Variants in CACNA2D1 observed in about 807,000 individuals in gnomAD.
CACNA2D1 encodes the protein voltage-dependent calcium channel subunit alpha-2/delta-1.
CACNA2D1 carries 53 observed loss-of-function variants against 171.5 expected under a neutral mutation model. That is an observed-to-expected ratio of 0.31 (90% CI 0.25 to 0.39). The LOEUF (loss-of-function observed/expected upper bound fraction) is 0.39, where lower values mean the gene tolerates loss of function less well. Among genes scored for constraint, CACNA2D1 ranks in the 10% least tolerant of loss-of-function variants. The probability of loss-of-function intolerance (pLI) is 1.00; values close to 1 mark genes in which losing one functional copy is unlikely to be tolerated. For missense variants in CACNA2D1, 903 were observed against 1,299.8 expected, an observed-to-expected ratio of 0.69 and a Z score of 4.69; for synonymous variants, 442 against 443.1, an observed-to-expected ratio of 1.00 and a Z score of 0.03.
chr7:82,230,417 G>A (rs1283036952), intron 3 of CACNA2D1, among the ~76,000 whole-genome samples: 1 of 152,186 alleles, frequency 6.6e-6, no homozygotes, highest in Admixed American at 6.5e-5. Context: ...CTAGTTTGGA[G>A]CTATGAAAAA....
chr7:82,178,819 T>C (rs1268881808), intron 3 of CACNA2D1, among the ~76,000 whole-genome samples: 1 of 152,078 alleles, frequency 6.6e-6, no homozygotes, highest in Non-Finnish European at 1.5e-5. Flanking sequence ...TCCCTCTAAA[T>C]CACTAAATGT....
At chr7:82,077,202 A>C (rs1809076378) in intron 7 of CACNA2D1, among the ~76,000 whole-genome samples, 1 of 152,172 alleles carries the variant, frequency 6.6e-6, no homozygotes, top group South Asian at 2.1e-4. Context: ...ACCATAGCAG[A>C]GATGCTTTTT....
chr7:82,155,890 G>A (rs140091093), intron 4 of CACNA2D1, among the ~76,000 whole-genome samples: 30 of 152,286 alleles, frequency 2.0e-4, no homozygotes, highest in Middle Eastern at 3.4e-3. Context: ...CAGTCAAGTA[G>A]TCAGTAAAAT....
Position 81,964,377 on chromosome 7 carries a change from C to A in CACNA2D1, c.2575-18G>T. 1 of 1,608,028 alleles carries A rather than the reference C, an allele frequency of 6.2e-7. No homozygotes were observed. Among genetic ancestry groups the A allele is most frequent in the South Asian group, 1.1e-5 (1 of 90,862 alleles). On this transcript the variant is annotated intron_variant, in intron 32 of 38. Coordinates refer to ENST00000356860, the MANE Select transcript of CACNA2D1 (RefSeq NM_000722.4). Reference sequence around the variant, plus strand: ...CTTCCAATCTGGTGAAGAAAAAAATCATAAAGCAACGTGCACTTAAAATGT... The same window carrying A: ...CTTCCAATCTGGTGAAGAAAAAAATAATAAAGCAACGTGCACTTAAAATGT...
chr7:82,434,406 TA>T (rs1238338900), intron 1 of CACNA2D1, among the ~76,000 whole-genome samples: 2 of 152,118 alleles, frequency 1.3e-5, no homozygotes, highest in Non-Finnish European at 2.9e-5. Flanking sequence ...ACTTGTGTCA[TA>T]GGGGTTTGTT....
intron 3 of CACNA2D1, among the ~76,000 whole-genome samples, chr7:82,286,946 A>G (rs1810866131): frequency 6.6e-6 from 1 of 152,194 alleles, no homozygotes; most frequent in Non-Finnish European, 1.5e-5. Context: ...CAGGGCATGA[A>G]AAAGGCAGGC....
chr7:82,351,233 T>C (rs902561047), intron 1 of CACNA2D1, among the ~76,000 whole-genome samples: 3 of 151,766 alleles, frequency 2.0e-5, no homozygotes, highest in African/African-American at 7.2e-5. Flanking sequence ...AGGGAAGAAT[T>C]CCAGTAGTAT....
chr7:82,249,994 A>G (rs1805434484), intron 3 of CACNA2D1, among the ~76,000 whole-genome samples: 1 of 152,236 alleles, frequency 6.6e-6, no homozygotes, highest in Non-Finnish European at 1.5e-5. Context: ...ACAGTTTTGG[A>G]GACTGTCAAG....
At position 82,005,506 on chromosome 7, in the gene CACNA2D1, GAAAA is replaced by G. The variant is rs576139922; in HGVS notation, c.1516-13_1516-10del. On this transcript the variant is annotated splice_polypyrimidine_tract_variant and intron_variant, in intron 17 of 38. Transcript: ENST00000356860. ...TACCCATTGGGGCACAGCTGGAAAAGAAAAAAAAAAAAAAGCTTGGATATGCCTG... is the reference window on the plus strand; with the variant it reads ...TACCCATTGGGGCACAGCTGGAAAAGAAAAAAAAAAGCTTGGATATGCCTG... The G allele has an allele frequency of 1.7e-5, 21 of 1,202,536 alleles. No individual in the cohort carries two copies. Among genetic ancestry groups the G allele is most frequent in the South Asian group, 2.8e-5 (2 of 72,120 alleles). The allele number at this position is 1,202,536 out of a possible 1,614,324, so 74.5% of individuals were successfully genotyped here.
intron 3 of CACNA2D1, among the ~76,000 whole-genome samples, chr7:82,316,445 C>T (rs377208363): frequency 6.6e-6 from 1 of 152,012 alleles, no homozygotes; most frequent in Non-Finnish European, 1.5e-5. Flanking sequence ...TCTAATTCTC[C>T]TTTCTCTCAC....
intron 3 of CACNA2D1, among the ~76,000 whole-genome samples, chr7:82,260,454 T>C (rs1173728993): frequency 6.6e-6 from 1 of 152,190 alleles, no homozygotes; most frequent in Admixed American, 6.5e-5. Context: ...GGAGTAATGC[T>C]ATAACCAGGT....
intron 24 of CACNA2D1, among the ~76,000 whole-genome samples, chr7:81,980,172 C>CAAAAAAAAAAAA (rs35616922): frequency 1.4e-3 from 36 of 25,256 alleles, no homozygotes; most frequent in East Asian, 2.9e-3. Context: ...TAAAACCAAG[C>CAAAAAAAAAAAA]AAAAAAAAAA....
At chr7:82,250,556 G>T (rs915734482) in intron 3 of CACNA2D1, among the ~76,000 whole-genome samples, 1 of 152,240 alleles carries the variant, frequency 6.6e-6, no homozygotes, top group East Asian at 1.9e-4. Context: ...TCTCTGAGGA[G>T]ATTCACTATT....
intron 1 of CACNA2D1, among the ~76,000 whole-genome samples, chr7:82,385,917 G>A (rs73155187): frequency 0.064 from 9,716 of 151,948 alleles, 364 homozygotes; most frequent in Non-Finnish European, 0.07. Flanking sequence ...CACCTGCCTC[G>A]GCCTCCCAAA....
At chr7:82,054,659 C>G (rs953811522) in intron 10 of CACNA2D1, among the ~76,000 whole-genome samples, 1 of 152,166 alleles carries the variant, frequency 6.6e-6, no homozygotes, top group African/African-American at 2.4e-5. Context: ...CAGATACCAA[C>G]CAGTGTTCTT....
intron 3 of CACNA2D1, among the ~76,000 whole-genome samples, chr7:82,262,539 T>A (rs1807264496): frequency 6.6e-6 from 1 of 152,168 alleles, no homozygotes; most frequent in Non-Finnish European, 1.5e-5. Context: ...AAAATTCACT[T>A]TTGTATTTTT....
At chr7:82,081,647 A>T (rs956393183) in intron 7 of CACNA2D1, among the ~76,000 whole-genome samples, 5 of 152,090 alleles carry the variant, frequency 3.3e-5, no homozygotes, top group African/African-American at 1.2e-4. Flanking sequence ...TTCCACAGCT[A>T]ATGTTTTGGA....
chr7:82,410,585 T>A, intron 1 of CACNA2D1: 1 of 895,260 alleles, frequency 1.1e-6, no homozygotes, highest in South Asian at 5.1e-5. Context: ...ACTTAGGAAG[T>A]CCCTCACACC....
chr7:82,199,823 G>T (rs4732437), intron 3 of CACNA2D1, among the ~76,000 whole-genome samples: 133,748 of 152,040 alleles, frequency 0.88, 59,010 homozygotes, highest in East Asian at 1. Flanking sequence ...GAAACATGAA[G>T]GTACATCATT....
Sources: allele counts gnomAD v4.1 joint callset (sites outside exome capture counted in the v4.1 genomes callset), GRCh38; gene constraint gnomAD v4.1.1; transcripts MANE v1.5; gene names NCBI Gene and HGNC (gene_info 2026-07-23, HGNC 2026-07-21).